AGMO: variants seen among roughly 807,000 people sequenced by gnomAD.
The protein encoded by AGMO is alkylglycerol monooxygenase.
Under a neutral mutation model 60.2 loss-of-function variants are expected in AGMO, and 75 were observed. That is an observed-to-expected ratio of 1.25 (90% CI 1.03 to 1.51). The LOEUF (loss-of-function observed/expected upper bound fraction) is 1.51. Among genes scored for constraint, AGMO ranks in the 40% most tolerant of loss-of-function variants. The pLI is 0.00. For missense variants in AGMO, 763 were observed against 525.5 expected, an observed-to-expected ratio of 1.45 and a Z score of -4.42; for synonymous variants, 261 against 177.1, an observed-to-expected ratio of 1.47 and a Z score of -3.76.
intron 12 of AGMO, among the ~76,000 whole-genome samples, chr7:15,342,922 C>G (rs1781911667): frequency 1.3e-5 from 2 of 151,772 alleles, no homozygotes; most frequent in African/African-American, 4.8e-5. Flanking sequence ...TACTAAAAGG[C>G]TTCTCTGTGA....
At chr7:15,522,594 A>G in intron 3 of AGMO, among the ~76,000 whole-genome samples, 1 of 151,888 alleles carries the variant, frequency 6.6e-6, no homozygotes, top group Non-Finnish European at 1.5e-5. Context: ...AAGCAATGGG[A>G]AACAGATTCC....
rs1255654243 is a variant in AGMO at position 15,531,196 on chromosome 7, A to ATATATATATTCTATATATTC, written c.409+13556_409+13575dup. Among the ~76,000 whole-genome samples the ATATATATATTCTATATATTC allele has an allele frequency of 9.4e-4, 65 of 69,422 alleles. 2 individuals carry two copies. Among genetic ancestry groups the ATATATATATTCTATATATTC allele is most frequent in the Non-Finnish European group, 1.4e-3 (54 of 38,616 alleles). The allele number at this position is 69,422 out of a possible 152,430, so 45.5% of individuals were successfully genotyped here. On this transcript the variant is annotated intron_variant, in intron 3 of 12. Transcript: ENST00000342526. ...ATTCTATATATTCTATATATATTCT[A>ATATATATATTCTATATATTC]TATATATATTCTATATATTCTATAT...
At chr7:15,391,072 T>A (rs1315465676) in intron 6 of AGMO, among the ~76,000 whole-genome samples, 167 bp from the exon 7 acceptor site, 2 of 152,126 alleles carry the variant, frequency 1.3e-5, no homozygotes, top group Non-Finnish European at 2.9e-5. Context: ...TGTCTAATAA[T>A]GGAATTTTTA....
intron 3 of AGMO, among the ~76,000 whole-genome samples, chr7:15,463,478 T>C (rs1238885417): frequency 6.6e-6 from 1 of 152,136 alleles, no homozygotes; most frequent in African/African-American, 2.4e-5. Context: ...CGTACACACA[T>C]ACAGAAATAA....
intron 2 of AGMO, among the ~76,000 whole-genome samples, chr7:15,553,959 A>C (rs1007891482): frequency 6.6e-6 from 1 of 152,104 alleles, no homozygotes; most frequent in Non-Finnish European, 1.5e-5. Flanking sequence ...AGAGGGGAGA[A>C]GCTGTGGGAG....
intron 5 of AGMO, among the ~76,000 whole-genome samples, chr7:15,394,977 T>C (rs551069074): frequency 9.0e-4 from 137 of 152,298 alleles, no homozygotes; most frequent in African/African-American, 3.2e-3. Flanking sequence ...CTAAAAATCA[T>C]AGAAACCAGG....
Position 15,359,780 on chromosome 7 carries a change from G to A in AGMO, c.1263+5734C>T, listed in dbSNP as rs189244679. On this transcript the variant is annotated intron_variant, in intron 12 of 12. Transcript: ENST00000342526. ...TTTTATTGTATGTTACATGGTCACT[G>A]CAATCATGACTAATTTGTGATATAT... 1.7e-4 allele frequency among the ~76,000 whole-genome samples: 26 copies of A among 152,232 alleles called. No individual in the cohort carries two copies. The East Asian group carries it at 3.3e-3, about 19-fold the overall frequency.
At chr7:15,547,722 G>A (rs544187200) in intron 2 of AGMO, among the ~76,000 whole-genome samples, 105 of 151,616 alleles carry the variant, frequency 6.9e-4, no homozygotes, top group Non-Finnish European at 1.3e-3. Context: ...ACTGCAAGGC[G>A]GCAGCGAGGC....
At chr7:15,255,534 C>CAAAAAAAAAAAA (rs60035165) in intron 12 of AGMO, among the ~76,000 whole-genome samples, 4 of 115,792 alleles carry the variant, frequency 3.5e-5, no homozygotes, top group African/African-American at 9.7e-5. Flanking sequence ...TGTAAGAATA[C>CAAAAAAAAAAAA]AAAAAAAAAA....
At chr7:15,259,899 CAAAAAAAAAA>C (rs71549927) in intron 12 of AGMO, among the ~76,000 whole-genome samples, 4 of 9,398 alleles carry the variant, frequency 4.3e-4, no homozygotes, top group Non-Finnish European at 6.9e-4. Context: ...ACAAGAACTG[CAAAAAAAAAA>C]AAAAAAAAAA....
the AGMO span, among the ~76,000 whole-genome samples, chr7:15,155,831 C>A: frequency 1.3e-4 from 20 of 152,034 alleles, no homozygotes; most frequent in East Asian, 3.7e-3. Flanking sequence ...TCTTTGATGC[C>A]CTTGAGGGTT....
chr7:15,208,809 TG>T, intron 12 of AGMO, among the ~76,000 whole-genome samples: 1 of 152,204 alleles, frequency 6.6e-6, no homozygotes, highest in Non-Finnish European at 1.5e-5. Flanking sequence ...GGCACAAAAT[TG>T]TTTGCCTCAT....
At chr7:15,305,110 G>A (rs1395517730) in intron 12 of AGMO, among the ~76,000 whole-genome samples, 2 of 151,754 alleles carry the variant, frequency 1.3e-5, no homozygotes, top group Non-Finnish European at 2.9e-5. Context: ...ACTTGTGGTA[G>A]CACCTATCTT....
intron 12 of AGMO, among the ~76,000 whole-genome samples, chr7:15,221,609 G>A (rs750969818): frequency 4.6e-5 from 7 of 152,078 alleles, no homozygotes; most frequent in Non-Finnish European, 7.4e-5. Context: ...GATATGCTAC[G>A]TGGCTTTTGT....
chr7:15,243,485 T>A (rs1782654814), intron 12 of AGMO, among the ~76,000 whole-genome samples: 1 of 152,128 alleles, frequency 6.6e-6, no homozygotes, highest in African/African-American at 2.4e-5. Context: ...TCTGTTTTTC[T>A]AGTGTTGGCG....
At chr7:15,194,555 A>G in the AGMO span, among the ~76,000 whole-genome samples, 1 of 152,174 alleles carries the variant, frequency 6.6e-6, no homozygotes, top group Non-Finnish European at 1.5e-5. Flanking sequence ...TCTTCAGCAC[A>G]CTTATTCCTT....
At chr7:15,204,446 G>T (rs1781388773) in intron 12 of AGMO, among the ~76,000 whole-genome samples, 5 of 152,040 alleles carry the variant, frequency 3.3e-5, no homozygotes, top group South Asian at 4.1e-4. Context: ...AAGAATAGAT[G>T]AAAACTGTAG....
chr7:15,307,489 T>A (rs923325693), intron 12 of AGMO, among the ~76,000 whole-genome samples: 35 of 152,142 alleles, frequency 2.3e-4, no homozygotes, highest in African/African-American at 7.9e-4. Flanking sequence ...TTAAAACTAG[T>A]AAGGATGTTC....
intron 12 of AGMO, among the ~76,000 whole-genome samples, chr7:15,253,657 G>T (rs1168686363): frequency 6.6e-6 from 1 of 152,060 alleles, no homozygotes; most frequent in Non-Finnish European, 1.5e-5. Flanking sequence ...ATAATAATTA[G>T]TATATCCATC....
Sources: allele counts gnomAD v4.1 joint callset (sites outside exome capture counted in the v4.1 genomes callset), GRCh38; gene constraint gnomAD v4.1.1; transcripts MANE v1.5; gene names NCBI Gene and HGNC (gene_info 2026-07-23, HGNC 2026-07-21).